Variants in TXLNB observed in about 807,000 individuals in gnomAD.
TXLNB encodes the protein beta-taxilin.
A neutral mutation model predicts 57.4 loss-of-function variants in TXLNB; 37 were observed. The ratio of observed to expected loss-of-function variants is 0.64; its 90% confidence interval spans 0.50 to 0.85. The LOEUF is 0.85. TXLNB is among the 40% of genes least tolerant of loss of function. The probability of loss-of-function intolerance (pLI) is 0.00; values close to 1 mark genes in which losing one functional copy is unlikely to be tolerated. For missense variants in TXLNB, 848 were observed against 825.6 expected, an observed-to-expected ratio of 1.03 and a Z score of -0.33; for synonymous variants, 302 against 309.6, an observed-to-expected ratio of 0.98 and a Z score of 0.26.
chr6:139,278,976 T>C (rs758080082), intron 2 of TXLNB, among the ~76,000 whole-genome samples: 1 of 152,070 alleles, frequency 6.6e-6, no homozygotes, highest in Admixed American at 6.6e-5. Context: ...TGCACTCCAC[T>C]GCAAAAAACA....
the TXLNB span, chr6:139,174,391 T>G: frequency 1.2e-6 from 2 of 1,613,542 alleles, no homozygotes; most frequent in Non-Finnish European, 1.7e-6. Context: ...ACAGGGAGAC[T>G]CATGCATCTG....
At chr6:139,213,645 A>G in the TXLNB span, among the ~76,000 whole-genome samples, 49 of 152,276 alleles carry the variant, frequency 3.2e-4, no homozygotes, top group South Asian at 8.3e-4. Context: ...AGCTGAAGGA[A>G]ATAGAGACAC....
the TXLNB span, among the ~76,000 whole-genome samples, chr6:139,306,328 T>A: frequency 6.6e-6 from 1 of 152,198 alleles, no homozygotes; most frequent in Non-Finnish European, 1.5e-5. Flanking sequence ...GAGGAAAAGT[T>A]TTCTCTGATG....
At chr6:139,299,279 G>A in the TXLNB span, among the ~76,000 whole-genome samples, 9 of 152,088 alleles carry the variant, frequency 5.9e-5, no homozygotes, top group Non-Finnish European at 1.2e-4. Context: ...TGCTGAACTC[G>A]AAGGGCTCAT....
the TXLNB span, among the ~76,000 whole-genome samples, chr6:139,225,413 T>C: frequency 6.6e-6 from 1 of 152,196 alleles, no homozygotes. Flanking sequence ...CATGATTGTG[T>C]GTTTAGAATA....
At chr6:139,270,947 C>T (rs900917547) in intron 3 of TXLNB, among the ~76,000 whole-genome samples, 7 of 152,144 alleles carry the variant, frequency 4.6e-5, no homozygotes, top group Non-Finnish European at 8.8e-5. Flanking sequence ...AAAGGCATGT[C>T]TCAGAATCTG....
intron 6 of TXLNB, 117 bp downstream of exon 6, chr6:139,260,201 C>T: frequency 3.3e-6 from 4 of 1,229,020 alleles, no homozygotes; most frequent in East Asian, 2.7e-5. Flanking sequence ...GCCTGAATGA[C>T]AGAACGAGAC....
chr6:139,268,129 G>A (rs941266011), intron 4 of TXLNB, among the ~76,000 whole-genome samples: 9 of 127,796 alleles, frequency 7.0e-5, no homozygotes, highest in Admixed American at 2.8e-4. Flanking sequence ...CAGCCTGGAC[G>A]ACAGAGCGAG....
the TXLNB span, among the ~76,000 whole-genome samples, chr6:139,212,859 A>G: frequency 1.1e-3 from 160 of 152,346 alleles, 1 homozygote; most frequent in African/African-American, 3.8e-3. Context: ...CTCTAAACCA[A>G]CAAAGATCAA....
chr6:139,255,515 C>T lies in TXLNB; in HGVS notation c.1077+49G>A, dbSNP rs758503589. ...CCACCTTTGGCCCCAGCCTTTTTAT[C>T]TGGGGACAGTGAGGACAGCACCCCC... On this transcript the variant is annotated intron_variant, in intron 7 of 9. Coordinates refer to ENST00000358430, the MANE Select transcript of TXLNB (RefSeq NM_153235.4). The T allele has an allele frequency of 4.5e-6, 7 of 1,541,944 alleles. No homozygotes were observed. In the Admixed American group the frequency reaches 1.0e-4, roughly 22 times the overall value.
chr6:139,190,450 C>T, the TXLNB span, among the ~76,000 whole-genome samples: 1 of 151,748 alleles, frequency 6.6e-6, no homozygotes, highest in Non-Finnish European at 1.5e-5. Context: ...GCTGGGACTA[C>T]AGGTGCCCAC....
At chr6:139,164,080 A>AAACACACACACACACTCT in the TXLNB span, among the ~76,000 whole-genome samples, 5 of 148,068 alleles carry the variant, frequency 3.4e-5, no homozygotes, top group Non-Finnish European at 7.5e-5. Context: ...ACACACACAC[A>AAACACACACACACACTCT]CTCTCTCTCT....
chr6:139,214,050 CAAG>C, the TXLNB span, among the ~76,000 whole-genome samples: 1 of 152,154 alleles, frequency 6.6e-6, no homozygotes, highest in African/African-American at 2.4e-5. Flanking sequence ...ACCAGAGGGA[CAAG>C]GAGGAGCTGG....
At chr6:139,176,348 A>C in the TXLNB span, among the ~76,000 whole-genome samples, 1 of 152,178 alleles carries the variant, frequency 6.6e-6, no homozygotes, top group African/African-American at 2.4e-5. This position sits in a 1 kb window ranked among gnomAD's most constrained non-coding sequence, Gnocchi z 4.5. Context: ...AATGAGTCTA[A>C]ATTGAGTCTG....
intron 3 of TXLNB, among the ~76,000 whole-genome samples, chr6:139,274,591 T>TG (rs1168021616): frequency 6.6e-6 from 1 of 152,164 alleles, no homozygotes; most frequent in Non-Finnish European, 1.5e-5. Context: ...TCTTGTTTAT[T>TG]GGGGGTGACT....
rs761063487 is a variant in TXLNB at position 139,247,922 on chromosome 6, G to C, written c.1078-13C>G. 1 of 1,508,086 alleles carries C rather than the reference G, an allele frequency of 6.6e-7. No individual in the cohort carries two copies. Among genetic ancestry groups the C allele is most frequent in the African/African-American group, 1.4e-5 (1 of 71,600 alleles). 93.4% of individuals were successfully genotyped at this position (1,508,086 alleles called of 1,614,324 possible). On this transcript the variant is annotated splice_polypyrimidine_tract_variant and intron_variant, in intron 7 of 9. Coordinates refer to ENST00000358430, the MANE Select transcript of TXLNB (RefSeq NM_153235.4). ...AGTAGAGAGTGAGCTGTAAACAGAGGAAAGAGTGGATCTTTCAGAATACTT... is the reference window on the plus strand; with the variant it reads ...AGTAGAGAGTGAGCTGTAAACAGAGCAAAGAGTGGATCTTTCAGAATACTT...
intron 6 of TXLNB, among the ~76,000 whole-genome samples, chr6:139,258,446 T>C (rs1776399666): frequency 6.6e-6 from 1 of 152,240 alleles, no homozygotes; most frequent in Non-Finnish European, 1.5e-5. Context: ...AATTGAATGT[T>C]TTATTTCTTG....
At chr6:139,258,909 A>G (rs1219360439) in intron 6 of TXLNB, among the ~76,000 whole-genome samples, 1 of 152,180 alleles carries the variant, frequency 6.6e-6, no homozygotes, top group African/African-American at 2.4e-5. Context: ...CAATTCTCTC[A>G]TCTGTAGAAT....
At chr6:139,174,158 G>A in the TXLNB span, among the ~76,000 whole-genome samples, 2 of 152,188 alleles carry the variant, frequency 1.3e-5, no homozygotes, top group South Asian at 4.1e-4. Context: ...TTGAAGCCAA[G>A]TTTTTAATAT....
Sources: gnomAD v4.1 joint callset for allele counts (sites outside exome capture counted in the v4.1 genomes callset) on GRCh38, gnomAD v4.1.1 for gene constraint, Gnocchi (gnomAD v3.1) non-coding constraint, MANE v1.5 for transcripts, NCBI Gene and HGNC (gene_info 2026-07-23, HGNC 2026-07-21) for gene names.